The following LYST variants were observed in gnomAD, a reference collection of about 807,000 sequenced individuals.
LYST encodes the protein lysosomal-trafficking regulator.
Under a neutral mutation model 413.6 loss-of-function variants are expected in LYST, and 192 were observed. The ratio of observed to expected loss-of-function variants is 0.46; its 90% confidence interval spans 0.41 to 0.52. LYST has a LOEUF of 0.52. Ranked by LOEUF, LYST falls within the 20% of genes least tolerant of loss-of-function variation. The probability of loss-of-function intolerance (pLI) is 0.00; values close to 1 mark genes in which losing one functional copy is unlikely to be tolerated. For missense variants in LYST, 3,815 were observed against 4,499.9 expected (o/e 0.85, Z 4.35); for synonymous variants, 1,525 against 1,567.3 (o/e 0.97, Z 0.64).
At chr1:235,702,457 C>A (rs974344479) in intron 45 of LYST, among the ~76,000 whole-genome samples, 5 of 152,200 alleles carry the variant, frequency 3.3e-5, no homozygotes, top group African/African-American at 9.6e-5. Flanking sequence ...TATTATGTCA[C>A]TGCCCTGCGA....
Position 235,759,143 on chromosome 1 carries a change from T to C in LYST, c.6710A>G (p.Gln2237Arg), listed in dbSNP as rs138443479. 2.5e-6 allele frequency: 4 copies of C among 1,614,188 alleles called. No homozygotes were observed. The highest frequency in any genetic ancestry group is 3.4e-6 in the Non-Finnish European group (4 of 1,180,012). Residue 2237 changes from glutamine to arginine, a missense_variant, in exon 23 of 53, where the codon CAG becomes CGG. Gln to Arg is a conservative substitution (Grantham distance 43). Coordinates refer to ENST00000389793, the MANE Select transcript of LYST (RefSeq NM_000081.4). ...PDYLKGLASF[Q>R]RSHSTIASLG... ...GCTTGCAATAGTGCTGTGGCTTCGCTGGAAGGAGGCCAATCCCTTTAGGTA... is the reference window on the plus strand; with the variant it reads ...GCTTGCAATAGTGCTGTGGCTTCGCCGGAAGGAGGCCAATCCCTTTAGGTA...
At chr1:235,735,553 A>G (rs1399785533) in intron 31 of LYST, 1 of 152,112 alleles carries the variant, frequency 6.6e-6, no homozygotes, top group Non-Finnish European at 1.5e-5. Context: ...ACCTGATTCT[A>G]CTGTGTACAG....
At chr1:235,855,827 A>G (rs1679114274) in intron 1 of LYST, among the ~76,000 whole-genome samples, 1 of 152,118 alleles carries the variant, frequency 6.6e-6, no homozygotes, top group Non-Finnish European at 1.5e-5. Flanking sequence ...CTTATTTCAT[A>G]ATTCTTAAGA....
rs1316887897 is a variant in LYST, at chr1:235,746,517, T to C, written c.7791A>G (p.Lys2597=). Reference sequence around the variant, plus strand: ...GCGATTCAGTTTGAGCAAGGGGAAATTTTCGAGGACCTTTAAAAGTATATA... The same window carrying C: ...GCGATTCAGTTTGAGCAAGGGGAAACTTTCGAGGACCTTTAAAAGTATATA... ...QKRKSIAGPR[K]FPLAQTESLL... is the part of the protein sequence containing the mutation. The change falls in exon 29 of 53, where the codon AAA becomes AAG. Residue 2597 remains lysine, a synonymous_variant. Coordinates refer to ENST00000389793, the MANE Select transcript of LYST (RefSeq NM_000081.4). The C allele has an allele frequency of 1.2e-6, 2 of 1,612,406 alleles. No homozygotes were observed. The highest frequency in any genetic ancestry group is 1.7e-6 in the Non-Finnish European group (2 of 1,178,794).
At chr1:235,769,584 C>T (rs2103412774) in intron 20 of LYST, among the ~76,000 whole-genome samples, 1 of 151,842 alleles carries the variant, frequency 6.6e-6, no homozygotes, top group East Asian at 1.9e-4. Context: ...AATATACCAA[C>T]CAAGCAGATA....
intron 21 of LYST, among the ~76,000 whole-genome samples, chr1:235,763,972 T>C (rs1339375568): frequency 6.6e-6 from 1 of 152,170 alleles, no homozygotes; most frequent in Admixed American, 6.5e-5. Context: ...TATGCCTCCT[T>C]ACCACCTTGG....
intron 36 of LYST, among the ~76,000 whole-genome samples, chr1:235,730,241 T>C (rs1008783660): frequency 1.3e-5 from 2 of 152,002 alleles, no homozygotes; most frequent in Non-Finnish European, 2.9e-5. Context: ...ACTGCAATGA[T>C]AATACTATCA....
chr1:235,724,542 T>G (rs966213836), intron 38 of LYST, among the ~76,000 whole-genome samples: 2 of 152,176 alleles, frequency 1.3e-5, no homozygotes, highest in Non-Finnish European at 2.9e-5. Context: ...TGCTACAATT[T>G]TTCTTACCTA....
chr1:235,803,830 A>G (rs566712037), intron 7 of LYST, among the ~76,000 whole-genome samples: 70 of 152,302 alleles, frequency 4.6e-4, no homozygotes, highest in Non-Finnish European at 9.6e-4. Context: ...ATAAAATGTT[A>G]TTTCAAAACC....
intron 40 of LYST, among the ~76,000 whole-genome samples, chr1:235,720,398 T>C (rs1489573597): frequency 6.6e-6 from 1 of 152,128 alleles, no homozygotes; most frequent in Non-Finnish European, 1.5e-5. Context: ...GATGTTCTAT[T>C]TTTTAAAGAG....
chr1:235,818,413 T>G (rs1674405598), intron 3 of LYST, among the ~76,000 whole-genome samples: 1 of 152,212 alleles, frequency 6.6e-6, no homozygotes, highest in South Asian at 2.1e-4. Context: ...CCCCCTTTTC[T>G]GCCACCCAAC....
chr1:235,764,353 T>C (rs1413274592), intron 21 of LYST, among the ~76,000 whole-genome samples: 1 of 152,164 alleles, frequency 6.6e-6, no homozygotes, highest in Non-Finnish European at 1.5e-5. Context: ...TCTTTGTAAC[T>C]AACCCACTCT....
At chr1:235,852,833 TAAG>T (rs1431066095) in intron 1 of LYST, among the ~76,000 whole-genome samples, 1 of 152,166 alleles carries the variant, frequency 6.6e-6, no homozygotes, top group African/African-American at 2.4e-5. Flanking sequence ...AGACAGCAGT[TAAG>T]AGATTTCCCA....
intron 4 of LYST, among the ~76,000 whole-genome samples, chr1:235,812,006 A>T (rs1474595488): frequency 1.3e-5 from 2 of 150,570 alleles, no homozygotes; most frequent in East Asian, 1.9e-4. Context: ...AAATACAATA[A>T]TTTTTTTTTT....
rs943185330 is a variant in LYST, at chr1:235,697,147, G to A, written c.10500C>T (p.Pro3500=). ...GERFGSLQAL[P]TRAICGLSRN... is the part of the protein sequence containing the mutation. ...GTGACAAACCACAGATTGCTCTGGT[G>A]GGCAGAGCCTGGAGAGAGCCAAATC... Residue 3500 remains proline, a synonymous_variant, in exon 46 of 53, where the codon CCC becomes CCT. Coordinates refer to ENST00000389793, the MANE Select transcript of LYST (RefSeq NM_000081.4). The A allele has an allele frequency of 6.2e-7, 1 of 1,613,888 alleles. No homozygotes were observed. Among genetic ancestry groups the A allele is most frequent in the African/African-American group, 1.3e-5 (1 of 74,930 alleles).
At chr1:235,787,470 T>C in intron 13 of LYST, 97 bp from the exon 14 acceptor site, 2 of 1,039,094 alleles carry the variant, frequency 1.9e-6, no homozygotes, top group Non-Finnish European at 3.0e-6. Context: ...ATAAGTAAGA[T>C]TAAAAATCAG....
At chr1:235,688,082 A>G (rs1300052773) in intron 47 of LYST, among the ~76,000 whole-genome samples, 1 of 152,188 alleles carries the variant, frequency 6.6e-6, no homozygotes, top group Non-Finnish European at 1.5e-5. Flanking sequence ...GTTAGGATTG[A>G]TACTTCATAA....
chr1:235,738,520 T>C lies in LYST; in HGVS notation c.8358+2902A>G, dbSNP rs1334862847. 3.7e-6 allele frequency: 6 copies of C among 1,611,674 alleles called. No homozygotes were observed. In the African/African-American group the frequency reaches 6.7e-5, roughly 18 times the overall value. On this transcript the variant is annotated intron_variant, in intron 31 of 52. Coordinates refer to ENST00000389793, the MANE Select transcript of LYST (RefSeq NM_000081.4). ...GACTCAGCCCAATTCCGTTACCCAA[T>C]GGGGGAAAGGCTGGGAGTTCACACA...
At chr1:235,773,657 G>C (rs1023289178) in intron 19 of LYST, among the ~76,000 whole-genome samples, 185 bp downstream of exon 19, 1 of 152,038 alleles carries the variant, frequency 6.6e-6, no homozygotes, top group Admixed American at 6.6e-5. Context: ...TTGTTTAAAG[G>C]GTACAAAGTT....
Sources: allele counts gnomAD v4.1 joint callset (sites outside exome capture counted in the v4.1 genomes callset), GRCh38; gene constraint gnomAD v4.1.1; transcripts MANE v1.5; gene names NCBI Gene and HGNC (gene_info 2026-07-23, HGNC 2026-07-21).